The following ABHD8 variants were observed in gnomAD, a reference collection of about 807,000 sequenced individuals.
ABHD8 encodes protein ABHD8.
Under a neutral mutation model 29.3 loss-of-function variants are expected in ABHD8, and 10 were observed. The observed-to-expected ratio is 0.34, with a 90% CI of 0.21 to 0.58. ABHD8 has a LOEUF of 0.58. Among genes scored for constraint, ABHD8 ranks in the 20% least tolerant of loss-of-function variants. The pLI is 0.85. For missense variants in ABHD8, 556 were observed against 615.3 expected (o/e 0.90, Z 1.02); for synonymous variants, 282 against 274.6 (o/e 1.03, Z -0.27).
chr19:17,292,376 G>C lies in ABHD8; in HGVS notation c.*285C>G. ...CCTGCCTTGGCCGTGGCGTTGGGGG[G>C]AAGGTGAGGGAGAGCTTCTGTACAA... On this transcript the variant is annotated 3_prime_UTR_variant, in exon 5 of 5. Coordinates refer to ENST00000247706, the MANE Select transcript of ABHD8 (RefSeq NM_024527.5). 2 of 441,394 alleles carry C rather than the reference G, an allele frequency of 4.5e-6. No individual in the cohort carries two copies. Among genetic ancestry groups the C allele is most frequent in the Non-Finnish European group, 8.0e-6 (2 of 250,944 alleles). 27.3% of individuals were successfully genotyped at this position (441,394 alleles called of 1,614,324 possible).
intron 2 of ABHD8, among the ~76,000 whole-genome samples, chr19:17,295,296 G>A (rs529401613): frequency 1.3e-5 from 2 of 151,456 alleles, no homozygotes; most frequent in Non-Finnish European, 2.9e-5. Context: ...TAGTAGAGAT[G>A]GGGTTTCACC....
At chr19:17,293,314 C>T (rs1306859862) in intron 4 of ABHD8, among the ~76,000 whole-genome samples, 1 of 152,076 alleles carries the variant, frequency 6.6e-6, no homozygotes, top group Non-Finnish European at 1.5e-5. Context: ...TCAGGCTGAT[C>T]TCCAACTCCT....
intron 1 of ABHD8, among the ~76,000 whole-genome samples, chr19:17,302,586 C>A (rs1295325245): frequency 6.6e-6 from 1 of 152,140 alleles, no homozygotes; most frequent in South Asian, 2.1e-4. Context: ...TCCCCTAGAC[C>A]GGGGTGAGCC....
In ABHD8 at chr19:17,301,032, C is replaced by T; in HGVS notation, c.585G>A (p.Leu195=). 6.2e-7 allele frequency: 1 copy of T among 1,613,516 alleles called. No individual in the cohort carries two copies. The highest frequency in any genetic ancestry group is 1.1e-5 in the South Asian group (1 of 91,090). The change falls in exon 2 of 5, where the codon CTG becomes CTA. Residue 195 remains leucine (L), a synonymous_variant. Coordinates refer to ENST00000247706, the MANE Select transcript of ABHD8 (RefSeq NM_024527.5). The part of the protein sequence containing the change: ...GGSLAIWKEQ[L]DFFVRLGYEV... Reference sequence around the variant, plus strand: ...CATAGCCTAGGCGCACAAAGAAGTCCAGCTGCTCCTTCCAGATGGCCAGGG... The same window carrying T: ...CATAGCCTAGGCGCACAAAGAAGTCTAGCTGCTCCTTCCAGATGGCCAGGG...
intron 4 of ABHD8, 112 bp downstream of exon 4, chr19:17,294,176 C>G (rs368930959): frequency 7.4e-7 from 1 of 1,346,340 alleles, no homozygotes; most frequent in Non-Finnish European, 1.0e-6. Context: ...CACGCCCCCT[C>G]GGGAAGAAAG....
chr19:17,293,000 T>C (rs2074077739), intron 4 of ABHD8, 169 bp from the exon 5 acceptor site: 3 of 717,578 alleles, frequency 4.2e-6, no homozygotes, highest in African/African-American at 3.7e-5. Context: ...GGATGGCCTG[T>C]AGCCCTGCTG....
intron 2 of ABHD8, among the ~76,000 whole-genome samples, chr19:17,299,904 CT>C (rs35667706): frequency 0.19 from 26,920 of 140,038 alleles, 2,827 homozygotes; most frequent in South Asian, 0.3. Context: ...GTGGTGGCCC[CT>C]TTTTTTTTTT....
intron 4 of ABHD8, 81 bp downstream of exon 4, chr19:17,294,207 A>G (rs1599521946): frequency 2.7e-6 from 4 of 1,493,750 alleles, no homozygotes; most frequent in Non-Finnish European, 2.7e-6. Context: ...AAGCGCTACC[A>G]CGCCCCCCGC....
rs140486702 is a variant in ABHD8, at chr19:17,292,699, G to A, written c.1282C>T (p.Pro428Ser). 2 of 1,612,814 alleles carry A rather than the reference G, an allele frequency of 1.2e-6. No individual in the cohort carries two copies. Among genetic ancestry groups the A allele is most frequent in the Non-Finnish European group, 1.7e-6 (2 of 1,179,716 alleles). The change falls in exon 5 of 5, where the codon CCG becomes TCG. Residue 428 changes from proline to serine, a missense_variant. Physicochemically the swap from Pro to Ser is moderately conservative, Grantham distance 74 (BLOSUM62 -1). This residue lies in a region of ABHD8 where 270 missense variants were observed against 353.9 expected (regional missense o/e 0.76). Coordinates refer to ENST00000247706, the MANE Select transcript of ABHD8 (RefSeq NM_024527.5). The stretch of plus-strand genomic sequence containing the variant: ...TCTGGAGGCGCCGGCAGTGGCTCCG[G>A]TAGAGCCTTGGGCGAGGGCTCGGGC... ...WEPEPSPKAL[P>S]EPLPAPPEDK...
chr19:17,301,758 G>T, intron 1 of ABHD8, 134 bp from the exon 2 acceptor site: 2 of 1,064,692 alleles, frequency 1.9e-6, no homozygotes, highest in Non-Finnish European at 2.5e-6. Flanking sequence ...GTGAGCCACG[G>T]CACTGAGATT....
In ABHD8 at chr19:17,301,232, C is replaced by A; in HGVS notation, c.385G>T (p.Gly129Cys). 6.3e-7 allele frequency: 1 copy of A among 1,592,046 alleles called. No individual in the cohort carries two copies. Among genetic ancestry groups the A allele is most frequent in the Non-Finnish European group, 8.5e-7 (1 of 1,172,878 alleles). ...CCTGCGCTGCCGGGGGCCAAGCGGC[C>A]ATCGCTGCCCGCCGGATCTGCCAGC... Reference protein sequence around the residue: ...VELADPAGSDGRLAPGSAGSG... With the variant: ...VELADPAGSDCRLAPGSAGSG... Residue 129 changes from glycine to cysteine, a missense_variant, in exon 2 of 5, where the codon GGC (glycine) becomes TGC (cysteine). By Grantham distance (159) the Gly-to-Cys change is radical. Transcript: ENST00000247706.
At position 17,292,241 on chromosome 19, in the gene ABHD8, T is replaced by C; in HGVS notation, c.*420A>G. On this transcript the variant is annotated 3_prime_UTR_variant, in exon 5 of 5. Transcript: ENST00000247706. ...AAAAATAGCTCCCAGCGCCGAGGAATGGGGGGTAGGAAGGGTCTCGGATAA... is the reference window on the plus strand; with the variant it reads ...AAAAATAGCTCCCAGCGCCGAGGAACGGGGGGTAGGAAGGGTCTCGGATAA... The C allele has an allele frequency of 5.0e-6, 1 of 201,900 alleles. No individual in the cohort carries two copies. 12.5% of individuals were successfully genotyped at this position (201,900 alleles called of 1,614,324 possible).
At position 17,294,863 on chromosome 19, in the gene ABHD8, G is replaced by A; in HGVS notation, c.762-18C>T. 1 of 1,608,362 alleles carries A rather than the reference G, an allele frequency of 6.2e-7. No homozygotes were observed. The highest frequency in any genetic ancestry group is 8.5e-7 in the Non-Finnish European group (1 of 1,175,336). On this transcript the variant is annotated intron_variant, in intron 2 of 4. Transcript: ENST00000247706. Reference sequence around the variant, plus strand: ...AAGAGACACTGCCCGGAACGGGTGGGGTGATAGGAGGATTGAAGGGAGGCG... The same window carrying A: ...AAGAGACACTGCCCGGAACGGGTGGAGTGATAGGAGGATTGAAGGGAGGCG...
At chr19:17,293,510 T>A (rs1417070112) in intron 4 of ABHD8, among the ~76,000 whole-genome samples, 1 of 151,776 alleles carries the variant, frequency 6.6e-6, no homozygotes, top group African/African-American at 2.4e-5. Context: ...GGGGCTGCTA[T>A]CCTGTGCATT....
At chr19:17,299,210 G>C (rs2074105996) in intron 2 of ABHD8, among the ~76,000 whole-genome samples, 1 of 148,286 alleles carries the variant, frequency 6.7e-6, no homozygotes, top group South Asian at 2.1e-4. Flanking sequence ...AGGAGTTCAA[G>C]ACCAGCCTGG....
intron 4 of ABHD8, 110 bp downstream of exon 4, chr19:17,294,178 G>A: frequency 1.5e-6 from 2 of 1,358,788 alleles, no homozygotes; most frequent in Non-Finnish European, 2.0e-6. Flanking sequence ...CGCCCCCTCG[G>A]GAAGAAAGCA....
Position 17,292,203 on chromosome 19 carries a change from C to T in ABHD8, c.*458G>A. On this transcript the variant is annotated 3_prime_UTR_variant, in exon 5 of 5. Transcript: ENST00000247706. Reference sequence around the variant, plus strand: ...TTCGGTGGCGCCAGCCCCCCCATCCCCCCCCCTTGGGCAAAAATAGCTCCC... The same window carrying T: ...TTCGGTGGCGCCAGCCCCCCCATCCTCCCCCCTTGGGCAAAAATAGCTCCC... 5.2e-6 allele frequency: 1 copy of T among 192,998 alleles called. No individual in the cohort carries two copies. Among genetic ancestry groups the T allele is most frequent in the East Asian group, 1.2e-4 (1 of 8,670 alleles). The allele number at this position is 192,998 out of a possible 1,614,324, so 12.0% of individuals were successfully genotyped here. A position where few individuals can be genotyped will look rare whatever the true frequency, so the allele number is the denominator to read the frequency against.
At chr19:17,294,924 C>A in intron 2 of ABHD8, 79 bp from the exon 3 acceptor site, 1 of 1,528,062 alleles carries the variant, frequency 6.5e-7, no homozygotes, top group Non-Finnish European at 8.9e-7. Context: ...TTTTGTTTTG[C>A]TTTGTTTTTG....
At position 17,294,524 on chromosome 19, in the gene ABHD8, C is replaced by T. The variant is rs773133263; in HGVS notation, c.933-20G>A. ...CCGGCCCTGGTGGTGGTGGAGGCAC[C>T]GCTAGAGCCCCTTATGCCAGCCCGA... On this transcript the variant is annotated intron_variant, in intron 3 of 4. Transcript: ENST00000247706. The T allele has an allele frequency of 5.0e-6, 8 of 1,613,270 alleles. No homozygotes were observed. The South Asian group carries it at 6.6e-5, about 13-fold the overall frequency.
Sources: gnomAD v4.1 joint callset for allele counts (sites outside exome capture counted in the v4.1 genomes callset) on GRCh38, gnomAD v4.1.1 for gene constraint, gnomAD v4.1.1 regional missense constraint, MANE v1.5 for transcripts, NCBI Gene and HGNC (gene_info 2026-07-23, HGNC 2026-07-21) for gene names.